Variants in RPL9 observed in about 807,000 individuals in gnomAD.
The protein encoded by RPL9 is ribosomal protein L9.
For missense variants in RPL9, 149 were observed against 236.7 expected (o/e 0.63, Z 2.43); for synonymous variants, 82 against 77.1 (o/e 1.06, Z -0.33).
chr4:39,457,716 A>C, intron 3 of RPL9, 35 bp from the exon 4 acceptor site: 2 of 1,539,986 alleles, frequency 1.3e-6, no homozygotes, highest in Non-Finnish European at 1.8e-6. Context: ...CTTTCCAGAA[A>C]TATGCAGGCT....
intron 7 of RPL9, 67 bp downstream of exon 7, chr4:39,454,466 T>G (rs1744008431): frequency 8.4e-7 from 1 of 1,188,598 alleles, no homozygotes. Flanking sequence ...AGTTTAAGTC[T>G]TTTAGTAAAT....
At chr4:39,458,737 G>A (rs1031752302) in intron 1 of RPL9, 154 bp downstream of exon 1, 1 of 658,498 alleles carries the variant, frequency 1.5e-6, no homozygotes, top group Non-Finnish European at 2.8e-6. Flanking sequence ...GCCCACAACA[G>A]GATTCGCATC....
At chr4:39,457,427 C>T in intron 4 of RPL9, 159 bp downstream of exon 4, 4 of 602,150 alleles carry the variant, frequency 6.6e-6, no homozygotes, top group East Asian at 2.8e-5. Flanking sequence ...TCAGCTCTAT[C>T]GCTTAAAGAC....
chr4:39,458,690 A>C, intron 1 of RPL9: 1 of 624,316 alleles, frequency 1.6e-6, no homozygotes, highest in Non-Finnish European at 2.8e-6. Context: ...GGGCGGTGCC[A>C]TCCCGGCAAG....
chr4:39,457,040 AGAGAC>A (rs1409114989), intron 4 of RPL9: 1 of 160,300 alleles, frequency 6.2e-6, no homozygotes, highest in Non-Finnish European at 1.4e-5. Flanking sequence ...TCTTGAGGGG[AGAGAC>A]GGTGGGTTGG....
chr4:39,458,197 C>A lies in RPL9; in HGVS notation c.159G>T (p.Lys53Asn). The stretch of plus-strand genomic sequence containing the variant: ...TTATCAGAAGAAAAACCCTCACCCT[C>A]TTTTTTTTCTTTCCAAGAAGGCTGA... ...VELSLLGKKKKRLRVDKWWGN... is the reference protein window; with the variant it reads ...VELSLLGKKKNRLRVDKWWGN... Residue 53 changes from lysine (K) to asparagine (N), a missense_variant, in exon 3 of 8, where the codon AAG (lysine) becomes AAT (asparagine). Transcript: ENST00000295955. 1 of 1,613,654 alleles carries A rather than the reference C, an allele frequency of 6.2e-7. No homozygotes were observed. The highest frequency in any genetic ancestry group is 1.7e-5 in the Admixed American group (1 of 60,002).
rs187504573 is a variant in RPL9, at chr4:39,458,878, G to T, written c.-2+13C>A. On this transcript the variant is annotated intron_variant, in intron 1 of 7. Coordinates refer to ENST00000295955, the MANE Select transcript of RPL9 (RefSeq NM_000661.5). ...GATTCCCAGTACCCCCACGAGCACAGAAACATCCTTACCTCGCAGTAGACG... is the reference window on the plus strand; with the variant it reads ...GATTCCCAGTACCCCCACGAGCACATAAACATCCTTACCTCGCAGTAGACG... The T allele has an allele frequency of 5.7e-6, 4 of 701,000 alleles. No individual in the cohort carries two copies. Among genetic ancestry groups the T allele is most frequent in the African/African-American group, 3.5e-5 (2 of 57,232 alleles). 43.4% of individuals were successfully genotyped at this position (701,000 alleles called of 1,614,324 possible).
intron 3 of RPL9, 194 bp from the exon 4 acceptor site, chr4:39,457,875 G>A: frequency 1.6e-6 from 1 of 629,156 alleles, no homozygotes; most frequent in Non-Finnish European, 2.8e-6. Context: ...CTTCCCTTCT[G>A]GAAAATTAAA....
At chr4:39,454,438 T>C in intron 7 of RPL9, 95 bp downstream of exon 7, 1 of 948,738 alleles carries the variant, frequency 1.1e-6, no homozygotes, top group Non-Finnish European at 1.6e-6. Flanking sequence ...ACTCTCCATT[T>C]TCTATTACTA....
intron 4 of RPL9, 61 bp downstream of exon 4, chr4:39,457,525 T>C: frequency 7.5e-7 from 1 of 1,339,970 alleles, no homozygotes; most frequent in Non-Finnish European, 1.1e-6. Flanking sequence ...TTACGCTGTA[T>C]AAAGCACAGG....
At chr4:39,454,695 C>A (rs1454604312) in intron 6 of RPL9, 46 bp from the exon 7 acceptor site, 1 of 1,537,206 alleles carries the variant, frequency 6.5e-7, no homozygotes. Flanking sequence ...CCTAACCCAT[C>A]TTAAAAAGAA....
intron 5 of RPL9, 113 bp from the exon 6 acceptor site, chr4:39,455,057 T>A: frequency 1.8e-6 from 2 of 1,135,198 alleles, no homozygotes. Context: ...AACCTTTTCT[T>A]AAGATTTTGA....
Position 39,457,372 on chromosome 4 carries a change from A to C in RPL9, c.258+214T>G, listed in dbSNP as rs1026929383. 6 of 419,794 alleles carry C rather than the reference A, an allele frequency of 1.4e-5. No homozygotes were observed. The Admixed American group carries it at 1.6e-4, about 11-fold the overall frequency. 26.0% of individuals were successfully genotyped at this position (419,794 alleles called of 1,614,324 possible). A position where few individuals can be genotyped will look rare whatever the true frequency, so the allele number is the denominator to read the frequency against. On this transcript the variant is annotated intron_variant, in intron 4 of 7. Coordinates refer to ENST00000295955, the MANE Select transcript of RPL9 (RefSeq NM_000661.5). ...CTTGATTAAAAAAAAAAAAAACCCA[A>C]CAACAGAAAAAAACAAACATGTTGT...
At chr4:39,458,565 G>A (rs1382538948) in intron 1 of RPL9, 125 bp from the exon 2 acceptor site, 3 of 1,011,488 alleles carry the variant, frequency 3.0e-6, no homozygotes, top group African/African-American at 1.6e-5. Context: ...GTCGGAGGAC[G>A]GGAGACCGAC....
intron 3 of RPL9, 90 bp downstream of exon 3, chr4:39,458,104 T>G (rs2687958): frequency 7.8e-6 from 10 of 1,285,560 alleles, no homozygotes; most frequent in Non-Finnish European, 1.0e-5. Flanking sequence ...CACTGAACCT[T>G]AATTCGAAAA....
chr4:39,458,494 A>G (rs951835378), intron 1 of RPL9, 54 bp from the exon 2 acceptor site: 3 of 1,577,378 alleles, frequency 1.9e-6, no homozygotes, highest in Admixed American at 1.7e-5. Context: ...TTTCCACCAA[A>G]CTACGCCGCA....
chr4:39,454,288 T>C (rs985006371), intron 7 of RPL9, 63 bp from the exon 8 acceptor site: 1 of 318,204 alleles, frequency 3.1e-6, no homozygotes, highest in Non-Finnish European at 5.7e-6. Flanking sequence ...AAAGTACTAA[T>C]CTTTTTTCTG....
At chr4:39,455,969 C>G (rs913910505) in intron 5 of RPL9, 3 of 227,462 alleles carry the variant, frequency 1.3e-5, no homozygotes, top group African/African-American at 7.1e-5. Context: ...ATGTAGTTTT[C>G]TCTTTAGATT....
chr4:39,455,971 CTTTAGAT>C (rs1198693198), intron 5 of RPL9: 2 of 227,378 alleles, frequency 8.8e-6, no homozygotes, highest in South Asian at 5.6e-5. Flanking sequence ...GTAGTTTTCT[CTTTAGAT>C]TTTAAAGGTT....
Sources: allele counts gnomAD v4.1 joint callset, GRCh38; gene constraint gnomAD v4.1.1; transcripts MANE v1.5; gene names NCBI Gene and HGNC (gene_info 2026-07-23, HGNC 2026-07-21).